ARHGEF37: variants seen among roughly 807,000 people sequenced by gnomAD.
ARHGEF37 encodes the protein Rho guanine nucleotide exchange factor (GEF) 37.
Under a neutral mutation model 71.1 loss-of-function variants are expected in ARHGEF37, and 55 were observed. The observed-to-expected ratio is 0.77, with a 90% CI of 0.62 to 0.97. The LOEUF is 0.97. ARHGEF37 is among the 50% of genes least tolerant of loss of function. ARHGEF37 has a pLI of 0.00. For synonymous variants in ARHGEF37, 327 were observed against 350.6 expected (o/e 0.93, Z 0.75); for missense variants, 765 against 836.8 (o/e 0.91, Z 1.06).
chr5:149,595,739 G>T lies in ARHGEF37; in HGVS notation c.-11-2020G>T, dbSNP rs13361215. 8.6e-3 allele frequency among the ~76,000 whole-genome samples: 1,311 copies of T among 152,208 alleles called. 21 individuals carry two copies. Among genetic ancestry groups the T allele is most frequent in the African/African-American group, 0.027 (1,135 of 41,528 alleles). On this transcript the variant is annotated intron_variant, in intron 1 of 12. Transcript: ENST00000333677. ...CCTTCTGGAAACATTTTATTTTGTT[G>T]TGGCCACTCAGAATTCAGGATTTCT...
At chr5:149,607,755 CTTTTTTTTTTTT>C (rs67079479) in intron 3 of ARHGEF37, among the ~76,000 whole-genome samples, 4 of 83,094 alleles carry the variant, frequency 4.8e-5, no homozygotes, top group East Asian at 2.8e-4. Flanking sequence ...AAAGAAACTT[CTTTTTTTTTTTT>C]TTTTTTTTTT....
At chr5:149,574,459 A>G (rs1208319427) in intron 1 of ARHGEF37, among the ~76,000 whole-genome samples, 1 of 152,154 alleles carries the variant, frequency 6.6e-6, no homozygotes, top group Non-Finnish European at 1.5e-5. Context: ...TGACTGCTCC[A>G]TCTATTCTTT....
Position 149,627,066 on chromosome 5 carries a change from C to A in ARHGEF37, c.1465-10C>A. 1 of 1,605,242 alleles carries A rather than the reference C, an allele frequency of 6.2e-7. No individual in the cohort carries two copies. The highest frequency in any genetic ancestry group is 1.1e-5 in the South Asian group (1 of 90,534). Reference sequence around the variant, plus strand: ...AGCACTTGTGTCTGTCTGTGCTCCTCCTCTCCCAGCCGCTCCTTCCAGGGT... The same window carrying A: ...AGCACTTGTGTCTGTCTGTGCTCCTACTCTCCCAGCCGCTCCTTCCAGGGT... On this transcript the variant is annotated splice_polypyrimidine_tract_variant and intron_variant, in intron 10 of 12. Coordinates refer to ENST00000333677, the MANE Select transcript of ARHGEF37 (RefSeq NM_001001669.3).
At chr5:149,589,367 G>A (rs1167188881) in intron 1 of ARHGEF37, among the ~76,000 whole-genome samples, 3 of 151,946 alleles carry the variant, frequency 2.0e-5, no homozygotes, top group Middle Eastern at 6.8e-3. Flanking sequence ...TCACTCTGTT[G>A]TCCAGGCTGG....
chr5:149,622,696 C>T (rs1413806675), intron 9 of ARHGEF37, among the ~76,000 whole-genome samples: 1 of 152,192 alleles, frequency 6.6e-6, no homozygotes, highest in Non-Finnish European at 1.5e-5. Context: ...ACTCAAGAGC[C>T]TGTAAAAGGA....
intron 1 of ARHGEF37, among the ~76,000 whole-genome samples, chr5:149,552,326 C>T (rs1762690063): frequency 6.8e-6 from 1 of 147,266 alleles, no homozygotes; most frequent in African/African-American, 2.5e-5. Flanking sequence ...TAATTGACAA[C>T]ATTTAAAACT....
rs527756175 is a variant in ARHGEF37, at chr5:149,613,841, G to A, written c.459-2726G>A. Among the ~76,000 whole-genome samples the A allele has an allele frequency of 2.5e-4, 37 of 148,552 alleles. 1 individual carries two copies. Among genetic ancestry groups the A allele is most frequent in the African/African-American group, 9.0e-4 (36 of 40,122 alleles). On this transcript the variant is annotated intron_variant, in intron 4 of 12. Coordinates refer to ENST00000333677, the MANE Select transcript of ARHGEF37 (RefSeq NM_001001669.3). ...TACAGTGGTGTAATCTCAGCTCACT[G>A]CAGCCTTGACCTCCCAGGCTCAGGG... is the stretch of plus-strand genomic sequence containing the variant.
intron 1 of ARHGEF37, among the ~76,000 whole-genome samples, chr5:149,586,557 C>T (rs1410493581): frequency 6.6e-6 from 1 of 152,216 alleles, no homozygotes; most frequent in African/African-American, 2.4e-5. Flanking sequence ...TCCACCATGC[C>T]CAGCCCAATT....
intron 3 of ARHGEF37, among the ~76,000 whole-genome samples, chr5:149,608,413 C>T (rs931611360): frequency 6.6e-6 from 1 of 151,572 alleles, no homozygotes; most frequent in African/African-American, 2.4e-5. Flanking sequence ...CTCTGTTGTG[C>T]AGGCTGGAGT....
At chr5:149,607,959 G>A (rs191344781) in intron 3 of ARHGEF37, among the ~76,000 whole-genome samples, 44 of 151,962 alleles carry the variant, frequency 2.9e-4, no homozygotes, top group African/African-American at 1.0e-3. Context: ...TAGTAGAGAC[G>A]GGATTTCATT....
intron 9 of ARHGEF37, 32 bp from the exon 10 acceptor site, chr5:149,623,980 C>A: frequency 6.4e-7 from 1 of 1,570,420 alleles, no homozygotes; most frequent in Non-Finnish European, 8.7e-7. Context: ...CCCTCTTGCC[C>A]AGCTCTGTTG....
chr5:149,562,558 T>G (rs773321191), intron 1 of ARHGEF37, among the ~76,000 whole-genome samples: 39 of 152,308 alleles, frequency 2.6e-4, no homozygotes, highest in Non-Finnish European at 4.9e-4. Context: ...TCCTCCTGCC[T>G]CAACCTCCCG....
In ARHGEF37 at chr5:149,609,548, G is replaced by C. The variant is rs779240141; in HGVS notation, c.311G>C (p.Gly104Ala). The change falls in exon 4 of 13, where the codon GGT (glycine) becomes GCT (alanine). Residue 104 changes from glycine (G) to alanine (A), a missense_variant and splice_region_variant. By Grantham distance (60) the Gly-to-Ala change is moderately conservative. Around this residue, in one of 5 missense-constraint regions of ARHGEF37, gnomAD observed 201 missense variants for 217.5 expected, o/e 0.92. Transcript: ENST00000333677. Reference sequence around the variant, plus strand: ...CCCCTTGTTGCGTCTTCACTCTCAGGTAACATATTTCTGGAATTCCAAGAG... The same window carrying C: ...CCCCTTGTTGCGTCTTCACTCTCAGCTAACATATTTCTGGAATTCCAAGAG... Reference protein sequence around the residue: ...SKEEEQVQLVGNIFLEFQEEL... With the variant: ...SKEEEQVQLVANIFLEFQEEL... 1 of 1,614,014 alleles carries C rather than the reference G, an allele frequency of 6.2e-7. No homozygotes were observed. The highest frequency in any genetic ancestry group is 1.1e-5 in the South Asian group (1 of 91,064).
rs921744199 is a variant in ARHGEF37 at position 149,632,263 on chromosome 5, A to C, written c.*72A>C. The C allele has an allele frequency of 9.8e-6, 15 of 1,528,776 alleles. No homozygotes were observed. The Admixed American group carries it at 2.3e-4, about 23-fold the overall frequency. The allele number at this position is 1,528,776 out of a possible 1,614,324, so 94.7% of individuals were successfully genotyped here. On this transcript the variant is annotated 3_prime_UTR_variant, in exon 13 of 13. Transcript: ENST00000333677. ...GAGGCTCTGACCCTGGGGGGAAAAG[A>C]AGCAAAGGAAAGGTGGAGGTGGAAG...
Position 149,619,030 on chromosome 5 carries a change from G to A in ARHGEF37, c.882G>A (p.Leu294=), listed in dbSNP as rs1383584095. The A allele has an allele frequency of 3.7e-6, 6 of 1,614,086 alleles. No individual in the cohort carries two copies. The highest frequency in any genetic ancestry group is 5.1e-6 in the Non-Finnish European group (6 of 1,179,934). ...TELKNNVAAY[L]DNLQAFLYFR... ...TGAAGAACAACGTGGCTGCTTACCT[G>A]GACAATCTGCAGGTGAGGACACTGC... The change falls in exon 7 of 13, where the codon CTG becomes CTA. Residue 294 remains leucine (L), a synonymous_variant. Transcript: ENST00000333677.
At chr5:149,589,042 A>G (rs914745145) in intron 1 of ARHGEF37, among the ~76,000 whole-genome samples, 1 of 152,032 alleles carries the variant, frequency 6.6e-6, no homozygotes, top group African/African-American at 2.4e-5. Context: ...CCAGCCTCGG[A>G]AACAAGTGAG....
intron 12 of ARHGEF37, among the ~76,000 whole-genome samples, chr5:149,630,635 G>A (rs1466546691): frequency 6.6e-6 from 1 of 152,210 alleles, no homozygotes; most frequent in African/African-American, 2.4e-5. Flanking sequence ...TGACCACCCA[G>A]CTCAGCCTCT....
chr5:149,592,706 C>G (rs1763444846), intron 1 of ARHGEF37, among the ~76,000 whole-genome samples: 1 of 152,166 alleles, frequency 6.6e-6, no homozygotes, highest in East Asian at 1.9e-4. Context: ...AAGAAACTGA[C>G]AAACTGTTTT....
intron 1 of ARHGEF37, among the ~76,000 whole-genome samples, chr5:149,555,811 C>A (rs1260717639): frequency 6.6e-6 from 1 of 151,900 alleles, no homozygotes; most frequent in Admixed American, 6.6e-5. Flanking sequence ...GTAGGGAATT[C>A]AAGATGAATT....
Sources: gnomAD v4.1 joint callset for allele counts (sites outside exome capture counted in the v4.1 genomes callset) on GRCh38, gnomAD v4.1.1 for gene constraint, gnomAD v4.1.1 regional missense constraint, MANE v1.5 for transcripts, NCBI Gene and HGNC (gene_info 2026-07-23, HGNC 2026-07-21) for gene names.